The following SLC25A37 variants were observed in gnomAD, a reference collection of about 807,000 sequenced individuals.
The protein encoded by SLC25A37 is mitoferrin-1.
In SLC25A37, 17 loss-of-function variants were observed where a neutral mutation model predicts 31.0. The observed-to-expected ratio is 0.55, with a 90% CI of 0.38 to 0.82. SLC25A37 has a LOEUF of 0.82. Among genes scored for constraint, SLC25A37 ranks in the 40% least tolerant of loss-of-function variants. The pLI is 0.00. For synonymous variants in SLC25A37, 222 were observed against 193.0 expected (o/e 1.15, Z -1.24); for missense variants, 404 against 465.8 (o/e 0.87, Z 1.22).
At chr8:23,531,765 AGTCG>A (rs1487774547) in intron 1 of SLC25A37, 1 of 152,228 alleles carries the variant, frequency 6.6e-6, no homozygotes, top group Non-Finnish European at 1.5e-5. Context: ...CTAAGTGCAA[AGTCG>A]GCCTGGTGGA....
intron 2 of SLC25A37, chr8:23,567,027 G>A (rs1265270099): frequency 1.9e-5 from 3 of 161,170 alleles, no homozygotes; most frequent in East Asian, 1.9e-4. Flanking sequence ...TCTTACGTAA[G>A]GCATGTTTTA....
rs1802848053 is a variant in SLC25A37 at position 23,571,672 on chromosome 8, G to A, written c.834G>A (p.Arg278=). 2 of 1,613,958 alleles carry A rather than the reference G, an allele frequency of 1.2e-6. No homozygotes were observed. Among genetic ancestry groups the A allele is most frequent in the African/African-American group, 2.7e-5 (2 of 75,042 alleles). Residue 278 remains arginine (R), a synonymous_variant, in exon 4 of 4, where the codon CGG becomes CGA. Coordinates refer to ENST00000519973, the MANE Select transcript of SLC25A37 (RefSeq NM_016612.4). ...VALSLANISG[R]LSGMANAFRT... is the part of the protein sequence containing the mutation. Reference sequence around the variant, plus strand: ...TCTCGCTGGCCAACATCAGCGGCCGGCTGTCGGGTATGGCCAATGCCTTCC... The same window carrying A: ...TCTCGCTGGCCAACATCAGCGGCCGACTGTCGGGTATGGCCAATGCCTTCC...
At chr8:23,553,108 G>C (rs1802272138) in intron 1 of SLC25A37, among the ~76,000 whole-genome samples, 1 of 152,216 alleles carries the variant, frequency 6.6e-6, no homozygotes, top group Admixed American at 6.5e-5. Context: ...GCTTCAGTGA[G>C]TGTGTCTATA....
intron 1 of SLC25A37, among the ~76,000 whole-genome samples, chr8:23,541,267 C>A (rs187192109): frequency 6.6e-6 from 1 of 152,196 alleles, no homozygotes; most frequent in Non-Finnish European, 1.5e-5. Flanking sequence ...AGTTTGAGGA[C>A]GTCTGTGGGA....
At chr8:23,560,893 G>T (rs568328901) in intron 1 of SLC25A37, among the ~76,000 whole-genome samples, 89 of 152,260 alleles carry the variant, frequency 5.8e-4, no homozygotes, top group African/African-American at 2.1e-3. Context: ...ATTTAAAGGG[G>T]AAAGAGCAAG....
chr8:23,566,881 G>C, intron 2 of SLC25A37: 1 of 946,616 alleles, frequency 1.1e-6, no homozygotes, highest in Non-Finnish European at 1.3e-6. Flanking sequence ...TTAAGCTTCC[G>C]GGGATCTGGG....
chr8:23,566,928 C>T, intron 2 of SLC25A37: 2 of 666,254 alleles, frequency 3.0e-6, no homozygotes, highest in Non-Finnish European at 3.7e-6. Context: ...GTCTGAGTCT[C>T]ATCTCTCTGC....
intron 3 of SLC25A37, among the ~76,000 whole-genome samples, chr8:23,569,609 C>T (rs1451019822): frequency 2.6e-5 from 4 of 152,244 alleles, no homozygotes; most frequent in Non-Finnish European, 5.9e-5. Flanking sequence ...GTGTGTCCAT[C>T]ACTGTTCTTC....
chr8:23,556,663 A>G (rs1308471401), intron 1 of SLC25A37, among the ~76,000 whole-genome samples: 1 of 151,968 alleles, frequency 6.6e-6, no homozygotes, highest in African/African-American at 2.4e-5. Flanking sequence ...TATGTATTAT[A>G]TGTATATTCT....
intron 1 of SLC25A37, among the ~76,000 whole-genome samples, chr8:23,548,919 G>T (rs1205423927): frequency 1.3e-5 from 2 of 152,088 alleles, no homozygotes; most frequent in African/African-American, 2.4e-5. Flanking sequence ...CAGCCTTCTC[G>T]GAGCCTCTGT....
intron 1 of SLC25A37, among the ~76,000 whole-genome samples, chr8:23,545,870 C>T (rs1802022304): frequency 1.3e-5 from 2 of 152,238 alleles, no homozygotes; most frequent in African/African-American, 4.8e-5. Flanking sequence ...GGCGCGGTGG[C>T]TCATGCCTGT....
intron 1 of SLC25A37, 98 bp from the exon 2 acceptor site, chr8:23,566,010 A>G (rs1802641656): frequency 1.4e-6 from 2 of 1,436,418 alleles, no homozygotes; most frequent in African/African-American, 1.5e-5. Context: ...AAACTATGAC[A>G]TTGTTTTTCT....
At chr8:23,563,282 G>A (rs1802564233) in intron 1 of SLC25A37, among the ~76,000 whole-genome samples, 2 of 152,162 alleles carry the variant, frequency 1.3e-5, no homozygotes, top group Non-Finnish European at 2.9e-5. Context: ...AAACTCCTGG[G>A]CTCAAGGGAT....
At chr8:23,535,280 C>T (rs1477527503) in intron 1 of SLC25A37, among the ~76,000 whole-genome samples, 1 of 152,158 alleles carries the variant, frequency 6.6e-6, no homozygotes, top group Non-Finnish European at 1.5e-5. Flanking sequence ...CTCCACATGT[C>T]TGGGCAGCTG....
At position 23,546,497 on chromosome 8, in the gene SLC25A37, GTA is replaced by G. The variant is rs1054939803; in HGVS notation, c.210+17298_210+17299del. On this transcript the variant is annotated intron_variant, in intron 1 of 3. Coordinates refer to ENST00000519973, the MANE Select transcript of SLC25A37 (RefSeq NM_016612.4). ...AATAACTGAATTTTAAGGTGTGTGT[GTA>G]TATATATATATAGGTATATATATAT... is the stretch of plus-strand genomic sequence containing the variant. 5.9e-4 allele frequency among the ~76,000 whole-genome samples: 72 copies of G among 121,290 alleles called. 1 individual carries two copies. Among genetic ancestry groups the G allele is most frequent in the Admixed American group, 2.2e-3 (25 of 11,342 alleles). 79.6% of individuals were successfully genotyped at this position (121,290 alleles called of 152,430 possible).
chr8:23,534,555 C>A (rs778171195), intron 1 of SLC25A37, among the ~76,000 whole-genome samples: 1 of 152,172 alleles, frequency 6.6e-6, no homozygotes. Flanking sequence ...ATCTTCCCCT[C>A]TTTACCGAAT....
At chr8:23,550,887 C>G (rs576349458) in intron 1 of SLC25A37, among the ~76,000 whole-genome samples, 3 of 152,354 alleles carry the variant, frequency 2.0e-5, no homozygotes, top group East Asian at 3.9e-4. Flanking sequence ...TGCTGTGGAG[C>G]ATGGGCTTCT....
At position 23,575,261 on chromosome 8, in the gene SLC25A37, C is replaced by G. The variant is rs560013334; in HGVS notation, c.*3406C>G. ...GTACTGCTGCTTCCTACCTGCAAGA[C>G]GAACAATGTATGTTTCAAGGGTGAG... On this transcript the variant is annotated 3_prime_UTR_variant, in exon 4 of 4. Transcript: ENST00000519973. 12 of 152,230 alleles carry G rather than the reference C, an allele frequency of 7.9e-5. No individual in the cohort carries two copies. The East Asian group carries it at 2.3e-3, about 30-fold the overall frequency. 9.4% of individuals were successfully genotyped at this position (152,230 alleles called of 1,614,324 possible).
At chr8:23,538,701 C>G (rs1256092627) in intron 1 of SLC25A37, among the ~76,000 whole-genome samples, 1 of 152,256 alleles carries the variant, frequency 6.6e-6, no homozygotes, top group African/African-American at 2.4e-5. Flanking sequence ...GCCTGGTCCC[C>G]GTTCTCAAAG....
Sources: allele counts gnomAD v4.1 joint callset (sites outside exome capture counted in the v4.1 genomes callset), GRCh38; gene constraint gnomAD v4.1.1; transcripts MANE v1.5; gene names NCBI Gene and HGNC (gene_info 2026-07-23, HGNC 2026-07-21).